H3C6: variants seen among roughly 807,000 people sequenced by gnomAD.
H3C6 encodes the protein H3 clustered histone 6, also known as histone H3.1.
In H3C6, 17 loss-of-function variants were observed where a neutral mutation model predicts 8.0. The ratio of observed to expected loss-of-function variants is 2.13; its 90% CI spans 1.46 to 3.19. The LOEUF is 3.19. Among genes scored for constraint, H3C6 ranks in the 30% most tolerant of loss-of-function variants. H3C6 has a pLI of 0.00. For synonymous variants in H3C6, 169 were observed against 78.0 expected, an observed-to-expected ratio of 2.17 and a Z score of -6.15; for missense variants, 298 against 193.8, an observed-to-expected ratio of 1.54 and a Z score of -3.19.
downstream of H3C6, chr6:26,225,698 G>C (rs991873418): frequency 7.2e-6 from 8 of 1,105,504 alleles, no homozygotes; most frequent in Admixed American, 5.6e-5. Flanking sequence ...ATTTGAAATA[G>C]TGGCATTCAG....
chr6:26,224,211 G>GA (rs1765579543), upstream of H3C6: 1 of 152,212 alleles, frequency 6.6e-6, no homozygotes, highest in Non-Finnish European at 1.5e-5. Flanking sequence ...CATTCTTTAA[G>GA]AATCTTTTCC....
rs772556533 is a variant in H3C6, at chr6:26,225,190, A to AGGCGG, written c.37_41dup (p.Lys15AlafsTer24). On this transcript the variant is annotated frameshift_variant, in exon 1 of 1. Transcript: ENST00000614911. LOFTEE classifies it high-confidence loss of function. ...CTAAGCAGACGGCTCGTAAATCCAC[A>AGGCGG]GGCGGTAAAGCACCGCGCAAACAGC... 2.2e-5 allele frequency: 35 copies of AGGCGG among 1,584,678 alleles called. No individual in the cohort carries two copies. The highest frequency in any genetic ancestry group is 2.9e-5 in the Non-Finnish European group (34 of 1,167,208).
In H3C6 at chr6:26,225,371, C is replaced by G; in HGVS notation, c.217C>G (p.Arg73Gly). ...IRKLPFQRLV[R>G]EIAQDFKTDL... Reference sequence around the variant, plus strand: ...GAAGCTGCCGTTTCAGCGCCTGGTGCGAGAAATAGCTCAGGACTTCAAGAC... The same window carrying G: ...GAAGCTGCCGTTTCAGCGCCTGGTGGGAGAAATAGCTCAGGACTTCAAGAC... The change falls in exon 1 of 1, where the codon CGA becomes GGA. Residue 73 changes from arginine (R) to glycine (G), a missense_variant. By Grantham distance (125) the Arg-to-Gly change is moderately radical. Coordinates refer to ENST00000614911, the MANE Select transcript of H3C6 (RefSeq NM_003532.3). The G allele has an allele frequency of 6.2e-7, 1 of 1,614,232 alleles. No individual in the cohort carries two copies. The highest frequency in any genetic ancestry group is 8.5e-7 in the Non-Finnish European group (1 of 1,180,032).
downstream of H3C6, chr6:26,226,505 C>A (rs532730930): frequency 1.1e-4 from 16 of 152,336 alleles, no homozygotes; most frequent in Admixed American, 3.9e-4. Context: ...GATTCTCCTG[C>A]CTCAGCCTTC....
chr6:26,225,247 G>C lies in H3C6; in HGVS notation c.93G>C (p.Pro31=). Residue 31 remains proline, a synonymous_variant, in exon 1 of 1, where the codon CCG becomes CCC. Coordinates refer to ENST00000614911, the MANE Select transcript of H3C6 (RefSeq NM_003532.3). ...LATKAARKSA[P]ATGGVKKPHR... Reference sequence around the variant, plus strand: ...CTAAGGCAGCTCGCAAGAGCGCTCCGGCCACGGGCGGCGTGAAGAAGCCCC... The same window carrying C: ...CTAAGGCAGCTCGCAAGAGCGCTCCCGCCACGGGCGGCGTGAAGAAGCCCC... 4 of 1,613,524 alleles carry C rather than the reference G, an allele frequency of 2.5e-6. No homozygotes were observed. Among genetic ancestry groups the C allele is most frequent in the Non-Finnish European group, 3.4e-6 (4 of 1,179,680 alleles).
Position 26,225,608 on chromosome 6 carries a change from A to G in H3C6, c.*43A>G, listed in dbSNP as rs201983434. 7 of 1,574,096 alleles carry G rather than the reference A, an allele frequency of 4.4e-6. No homozygotes were observed. In the East Asian group the frequency reaches 1.6e-4, roughly 35 times the overall value. ...CCTTAAATCCAAAGGCTCTTCTCAGAGCCAACCACTTTGTCCGTGAAAAGG... is the reference window on the plus strand; with the variant it reads ...CCTTAAATCCAAAGGCTCTTCTCAGGGCCAACCACTTTGTCCGTGAAAAGG... On this transcript the variant is annotated 3_prime_UTR_variant, in exon 1 of 1. Coordinates refer to ENST00000614911, the MANE Select transcript of H3C6 (RefSeq NM_003532.3).
downstream of H3C6, chr6:26,225,706 C>T: frequency 9.3e-7 from 1 of 1,069,854 alleles, no homozygotes; most frequent in Non-Finnish European, 1.3e-6. Flanking sequence ...TAGTGGCATT[C>T]AGTTCCCTCG....
downstream of H3C6, chr6:26,226,576 A>G (rs959927085): frequency 3.3e-5 from 5 of 152,150 alleles, no homozygotes; most frequent in African/African-American, 9.6e-5. Context: ...ATATCTTAAA[A>G]GAACTTTTCA....
chr6:26,225,463 G>A lies in H3C6; in HGVS notation c.309G>A (p.Gly103=). The part of the protein sequence containing the change: ...LQEACEAYLV[G]LFEDTNLCAI... Reference sequence around the variant, plus strand: ...AGGCCTGCGAGGCCTACTTGGTGGGGCTTTTCGAGGACACCAACCTGTGCG... The same window carrying A: ...AGGCCTGCGAGGCCTACTTGGTGGGACTTTTCGAGGACACCAACCTGTGCG... Residue 103 remains glycine (G), a synonymous_variant, in exon 1 of 1, where the codon GGG becomes GGA. Coordinates refer to ENST00000614911, the MANE Select transcript of H3C6 (RefSeq NM_003532.3). The A allele has an allele frequency of 6.2e-7, 1 of 1,614,264 alleles. No individual in the cohort carries two copies. Among genetic ancestry groups the A allele is most frequent in the Non-Finnish European group, 8.5e-7 (1 of 1,180,052 alleles).
upstream of H3C6, chr6:26,225,025 C>A: frequency 1.0e-6 from 1 of 983,468 alleles, no homozygotes; most frequent in Non-Finnish European, 1.5e-6. Context: ...AATCGTGAAT[C>A]TCTACGGCCA....
At chr6:26,225,697 A>C, downstream of H3C6, 4 of 1,103,400 alleles carry the variant, frequency 3.6e-6, no homozygotes, top group Non-Finnish European at 5.1e-6. Flanking sequence ...CATTTGAAAT[A>C]GTGGCATTCA....
In H3C6 at chr6:26,225,532, G is replaced by T. The variant is rs752545210; in HGVS notation, c.378G>T (p.Gln126His). The change falls in exon 1 of 1, where the codon CAG becomes CAT. Residue 126 changes from glutamine (Q) to histidine (H), a missense_variant. Gln to His is a conservative substitution (Grantham distance 24). Transcript: ENST00000614911. ...KRVTIMPKDIQLARRIRGERA is the reference protein window; with the variant it reads ...KRVTIMPKDIHLARRIRGERA Reference sequence around the variant, plus strand: ...TGACCATCATGCCTAAAGACATCCAGCTTGCCCGCCGCATTCGTGGGGAGA... The same window carrying T: ...TGACCATCATGCCTAAAGACATCCATCTTGCCCGCCGCATTCGTGGGGAGA... 1 of 1,613,774 alleles carries T rather than the reference G, an allele frequency of 6.2e-7. No individual in the cohort carries two copies. Among genetic ancestry groups the T allele is most frequent in the Non-Finnish European group, 8.5e-7 (1 of 1,179,842 alleles).
rs1254790073 is a variant in H3C6 at position 26,225,250 on chromosome 6, C to A, written c.96C>A (p.Ala32=). ...ATKAARKSAP[A]TGGVKKPHRY... ...AGGCAGCTCGCAAGAGCGCTCCGGCCACGGGCGGCGTGAAGAAGCCCCATC... is the reference window on the plus strand; with the variant it reads ...AGGCAGCTCGCAAGAGCGCTCCGGCAACGGGCGGCGTGAAGAAGCCCCATC... The change falls in exon 1 of 1, where the codon GCC becomes GCA. Residue 32 remains alanine (A), a synonymous_variant. Coordinates refer to ENST00000614911, the MANE Select transcript of H3C6 (RefSeq NM_003532.3). The A allele has an allele frequency of 1.2e-6, 2 of 1,613,710 alleles. No homozygotes were observed. The highest frequency in any genetic ancestry group is 1.7e-6 in the Non-Finnish European group (2 of 1,179,762).
Position 26,225,179 on chromosome 6 carries a change from C to T in H3C6, c.25C>T (p.Arg9Cys), listed in dbSNP as rs1765600329. Residue 9 changes from arginine (R) to cysteine (C), a missense_variant, in exon 1 of 1, where the codon CGT becomes TGT. Physicochemically the swap from Arg to Cys is radical, Grantham distance 180 (BLOSUM62 -3). Transcript: ENST00000614911. ...TATGGCGCGTACTAAGCAGACGGCTCGTAAATCCACAGGCGGTAAAGCACC... is the reference window on the plus strand; with the variant it reads ...TATGGCGCGTACTAAGCAGACGGCTTGTAAATCCACAGGCGGTAAAGCACC... Reference protein sequence around the residue: MARTKQTARKSTGGKAPRK... With the variant: MARTKQTACKSTGGKAPRK... 1.3e-6 allele frequency: 2 copies of T among 1,577,894 alleles called. No individual in the cohort carries two copies. The highest frequency in any genetic ancestry group is 8.6e-7 in the Non-Finnish European group (1 of 1,163,940).
downstream of H3C6, chr6:26,226,008 G>C (rs529830835): frequency 5.6e-4 from 89 of 157,528 alleles, no homozygotes; most frequent in African/African-American, 2.0e-3. Context: ...ATGTTTATTT[G>C]ACCTTGCCCG....
At chr6:26,226,433 C>CCA (rs1480652498), downstream of H3C6, 2 of 151,412 alleles carry the variant, frequency 1.3e-5, no homozygotes, top group Non-Finnish European at 2.9e-5. Flanking sequence ...CCCTTGTTGC[C>CCA]CAGGCTGGAG....
At chr6:26,224,629 C>T (rs948707597), upstream of H3C6, among the ~76,000 whole-genome samples, 9 of 152,096 alleles carry the variant, frequency 5.9e-5, no homozygotes, top group African/African-American at 1.9e-4. Flanking sequence ...ACACAAAGTT[C>T]CTTATGCTTA....
upstream of H3C6, chr6:26,225,132 C>T (rs751887489): frequency 7.5e-5 from 115 of 1,529,812 alleles, no homozygotes; most frequent in East Asian, 1.3e-3. Context: ...ATCTTCCTAA[C>T]TCATTTACTT....
At position 26,225,592 on chromosome 6, in the gene H3C6, C is replaced by CA; in HGVS notation, c.*30dup. ...TTGTTTTGAGTACAAACCTTAAATC[C>CA]AAAGGCTCTTCTCAGAGCCAACCAC... On this transcript the variant is annotated 3_prime_UTR_variant, in exon 1 of 1. Transcript: ENST00000614911. 6.3e-7 allele frequency: 1 copy of CA among 1,596,134 alleles called. No individual in the cohort carries two copies. The highest frequency in any genetic ancestry group is 1.1e-5 in the South Asian group (1 of 88,490).
Sources: allele counts gnomAD v4.1 joint callset (sites outside exome capture counted in the v4.1 genomes callset), GRCh38; gene constraint gnomAD v4.1.1; transcripts MANE v1.5; gene names NCBI Gene and HGNC (gene_info 2026-07-23, HGNC 2026-07-21).